COL23A1: variants seen among roughly 807,000 people sequenced by gnomAD.
COL23A1 encodes the protein collagen type XXIII alpha 1 chain.
COL23A1 carries 97 observed loss-of-function variants against 99.3 expected under a neutral mutation model. The ratio of observed to expected loss-of-function variants is 0.98; its 90% confidence interval spans 0.83 to 1.16. COL23A1 has a LOEUF of 1.16. Ranked by LOEUF, COL23A1 falls within the 50% of genes most tolerant of loss-of-function variation. The pLI is 0.00. For synonymous variants in COL23A1, 320 were observed against 308.2 expected (o/e 1.04, Z -0.40); for missense variants, 762 against 757.4 (o/e 1.01, Z -0.07).
chr5:178,346,198 TTTTATTTA>T (rs1185921600), intron 2 of COL23A1, among the ~76,000 whole-genome samples: 1 of 152,108 alleles, frequency 6.6e-6, no homozygotes, highest in African/African-American at 2.4e-5. Context: ...AAATTGATCT[TTTTATTTA>T]TTTATTTATT....
chr5:178,488,005 G>C (rs1003360846), intron 2 of COL23A1, among the ~76,000 whole-genome samples: 65 of 152,324 alleles, frequency 4.3e-4, no homozygotes, highest in African/African-American at 1.5e-3. Context: ...TAACCTCCTT[G>C]AAACTGCAGA....
At chr5:178,353,355 T>A (rs558457492) in intron 2 of COL23A1, among the ~76,000 whole-genome samples, 1 of 152,224 alleles carries the variant, frequency 6.6e-6, no homozygotes, top group East Asian at 1.9e-4. Context: ...TAAATGGGAA[T>A]ATATTGAAAA....
intron 3 of COL23A1, 23 bp from the exon 4 acceptor site, chr5:178,290,392 C>A: frequency 6.2e-7 from 1 of 1,612,972 alleles, no homozygotes; most frequent in Non-Finnish European, 8.5e-7. Context: ...AGCAGAGAAG[C>A]CACAGTCAGT....
At chr5:178,403,108 C>CAAAAAAAAAAAAAAAAACAAA (rs200567150) in intron 2 of COL23A1, among the ~76,000 whole-genome samples, 1 of 46,676 alleles carries the variant, frequency 2.1e-5, no homozygotes, top group Non-Finnish European at 3.5e-5. Flanking sequence ...GACTCCATCT[C>CAAAAAAAAAAAAAAAAACAAA]AAAAAAAAAA....
chr5:178,371,826 C>T (rs962042467), intron 2 of COL23A1, among the ~76,000 whole-genome samples: 4 of 152,214 alleles, frequency 2.6e-5, no homozygotes, highest in Non-Finnish European at 4.4e-5. Context: ...AATCTGAGGG[C>T]GGAAATGTTT....
At chr5:178,498,252 A>ATATATATATATG (rs1758331236) in intron 2 of COL23A1, among the ~76,000 whole-genome samples, 2 of 71,144 alleles carry the variant, frequency 2.8e-5, no homozygotes, top group Non-Finnish European at 4.8e-5. Context: ...ATATATATAT[A>ATATATATATATG]TATATAAAAG....
intron 3 of COL23A1, among the ~76,000 whole-genome samples, chr5:178,291,003 C>T (rs1242475658): frequency 6.6e-6 from 1 of 152,210 alleles, no homozygotes; most frequent in Non-Finnish European, 1.5e-5. Context: ...CCTTCCCAAC[C>T]ATCTTTTGTG....
intron 2 of COL23A1, among the ~76,000 whole-genome samples, chr5:178,469,608 G>A (rs2672835): frequency 0.79 from 120,028 of 151,574 alleles, 48,886 homozygotes; most frequent in Non-Finnish European, 0.9. Context: ...GGCTCCCCCG[G>A]GCAGCTGGCA....
intron 3 of COL23A1, among the ~76,000 whole-genome samples, chr5:178,292,445 C>A (rs1485325356): frequency 1.3e-5 from 2 of 152,212 alleles, no homozygotes; most frequent in African/African-American, 4.8e-5. Flanking sequence ...ATCCCTTGAT[C>A]ACACACCCCG....
intron 2 of COL23A1, among the ~76,000 whole-genome samples, chr5:178,476,861 G>A (rs1201565845): frequency 1.3e-5 from 2 of 152,214 alleles, no homozygotes; most frequent in Non-Finnish European, 2.9e-5. Context: ...TGTTATGCAG[G>A]TGAGAACACT....
At chr5:178,420,006 T>C (rs1381568893) in intron 2 of COL23A1, among the ~76,000 whole-genome samples, 1 of 152,250 alleles carries the variant, frequency 6.6e-6, no homozygotes, top group Non-Finnish European at 1.5e-5. Context: ...TTCTGGAGGC[T>C]GCTGGATTCA....
chr5:178,256,258 T>G, intron 15 of COL23A1, 95 bp downstream of exon 15: 3 of 821,228 alleles, frequency 3.7e-6, no homozygotes, highest in Non-Finnish European at 5.3e-6. Flanking sequence ...GTAGCTCCAC[T>G]GCTCCTCTGG....
chr5:178,427,244 G>C (rs1765993620), intron 2 of COL23A1, among the ~76,000 whole-genome samples: 1 of 152,188 alleles, frequency 6.6e-6, no homozygotes, highest in Non-Finnish European at 1.5e-5. Context: ...TATGAGTATG[G>C]CCAAAATCCA....
intron 2 of COL23A1, among the ~76,000 whole-genome samples, chr5:178,427,873 T>A (rs1766036922): frequency 6.6e-6 from 1 of 152,166 alleles, no homozygotes; most frequent in Non-Finnish European, 1.5e-5. Context: ...GATACTATAA[T>A]GGTGGATACA....
intron 2 of COL23A1, among the ~76,000 whole-genome samples, chr5:178,473,945 T>G (rs1453683391): frequency 6.6e-6 from 1 of 152,200 alleles, no homozygotes; most frequent in African/African-American, 2.4e-5. Context: ...TCAAATCATT[T>G]TTATTTCCCT....
rs908379632 is a variant in COL23A1 at position 178,309,971 on chromosome 5, C to G, written c.362-3052G>C. Among the ~76,000 whole-genome samples the G allele has an allele frequency of 3.9e-5, 6 of 152,104 alleles. No homozygotes were observed. The highest frequency in any genetic ancestry group is 8.8e-5 in the Non-Finnish European group (6 of 68,010). On this transcript the variant is annotated intron_variant, in intron 2 of 28. Coordinates refer to ENST00000390654, the MANE Select transcript of COL23A1 (RefSeq NM_173465.4). The surrounding 1 kb of genome is among the most constrained non-coding windows in gnomAD (Gnocchi z 4.7). ...GGAGAGGGAGGGAGGGAGAAGGGGACAGGCAGGGAGGCCTCAGGTCTCCTC... is the reference window on the plus strand; with the variant it reads ...GGAGAGGGAGGGAGGGAGAAGGGGAGAGGCAGGGAGGCCTCAGGTCTCCTC...
intron 2 of COL23A1, among the ~76,000 whole-genome samples, chr5:178,443,626 A>T (rs1581400636): frequency 6.9e-6 from 1 of 145,186 alleles, no homozygotes; most frequent in South Asian, 2.2e-4. Context: ...ATGCCCAGCT[A>T]TTTTTTTTTT....
chr5:178,430,920 G>C (rs1442437449), intron 2 of COL23A1, among the ~76,000 whole-genome samples: 1 of 152,036 alleles, frequency 6.6e-6, no homozygotes, highest in Non-Finnish European at 1.5e-5. Context: ...TGATGCCCTG[G>C]GTGAGTTCAT....
At position 178,389,576 on chromosome 5, in the gene COL23A1, CTT is replaced by C. The variant is rs34712394; in HGVS notation, c.362-82659_362-82658del. On this transcript the variant is annotated intron_variant, in intron 2 of 28. Transcript: ENST00000390654. Reference sequence around the variant, plus strand: ...CTGACACTAATTCAATGAGTTATCTCTTGTTTTGCTGGACTTCCCTCCACCCC... The same window carrying C: ...CTGACACTAATTCAATGAGTTATCTCGTTTTGCTGGACTTCCCTCCACCCC... Among the ~76,000 whole-genome samples the C allele has an allele frequency of 7.3e-3, 1,118 of 152,316 alleles. 10 individuals carry two copies. Among genetic ancestry groups the C allele is most frequent in the Non-Finnish European group, 0.01 (704 of 68,028 alleles).
Sources: allele counts gnomAD v4.1 joint callset (sites outside exome capture counted in the v4.1 genomes callset), GRCh38; gene constraint gnomAD v4.1.1; non-coding constraint Gnocchi (gnomAD v3.1); transcripts MANE v1.5; gene names NCBI Gene and HGNC (gene_info 2026-07-23, HGNC 2026-07-21).